DALRD3: variants seen among roughly 807,000 people sequenced by gnomAD.
DALRD3 encodes DALR anticodon-binding domain-containing protein 3.
Under a neutral mutation model 56.7 loss-of-function variants are expected in DALRD3, and 47 were observed. The observed-to-expected ratio is 0.83, with a 90% confidence interval of 0.66 to 1.06. The LOEUF (loss-of-function observed/expected upper bound fraction) is 1.06, where lower values mean the gene tolerates loss of function less well. DALRD3 is among the 50% of genes least tolerant of loss of function. The probability of loss-of-function intolerance (pLI) is 0.00; values close to 1 mark genes in which losing one functional copy is unlikely to be tolerated. For missense variants in DALRD3, 787 were observed against 724.0 expected (o/e 1.09, Z -1.00); for synonymous variants, 347 against 308.5 (o/e 1.12, Z -1.31).
rs1449765840 is a variant in DALRD3 at position 49,015,597 on chromosome 3, G to A, written c.1623C>T (p.Ser541=). The A allele has an allele frequency of 5.0e-6, 8 of 1,613,988 alleles. No homozygotes were observed. The highest frequency in any genetic ancestry group is 6.8e-6 in the Non-Finnish European group (8 of 1,180,024). Residue 541 remains serine, a synonymous_variant, in exon 12 of 12, where the codon AGC becomes AGT. Transcript: ENST00000341949. ...GLAMLGLPPL[S]HI ...TGGAGCCTCTGTGGCCTTAAATGTG[G>A]CTCAGTGGAGGGAGACCCAGCATAG...
Position 49,018,497 on chromosome 3 carries a change from C to A in DALRD3, c.68G>T (p.Gly23Val). Residue 23 changes from glycine to valine, a missense_variant, in exon 1 of 12, where the codon GGT (glycine) becomes GTT (valine). Gly to Val is a moderately radical substitution (Grantham distance 109). Transcript: ENST00000341949. ...GCGCGTCTCCTTGATCCACACCGGACCGCCTGGCCCCAGGGCCGCGTTGAG... is the reference window on the plus strand; with the variant it reads ...GCGCGTCTCCTTGATCCACACCGGAACGCCTGGCCCCAGGGCCGCGTTGAG... ...GALNAALGPG[G>V]PVWIKETRTR... The A allele has an allele frequency of 1.9e-6, 3 of 1,585,880 alleles. No individual in the cohort carries two copies. Among genetic ancestry groups the A allele is most frequent in the Non-Finnish European group, 2.6e-6 (3 of 1,165,938 alleles).
intron 5 of DALRD3, 85 bp downstream of exon 5, chr3:49,017,143 C>G (rs141235269): frequency 0.015 from 24,168 of 1,586,250 alleles, 248 homozygotes; most frequent in Middle Eastern, 0.021. Flanking sequence ...TTTCTGTCAG[C>G]TAACAAGCCC....
At chr3:49,016,560 T>A (rs2093075488) in intron 7 of DALRD3, 49 bp from the exon 8 acceptor site, 1 of 1,598,154 alleles carries the variant, frequency 6.3e-7, no homozygotes, top group Admixed American at 1.7e-5. Flanking sequence ...AGGGCAGGGA[T>A]GCAAAAAACC....
chr3:49,016,591 G>A (rs2093076934), intron 7 of DALRD3, 21 bp downstream of exon 7: 1 of 1,586,868 alleles, frequency 6.3e-7, no homozygotes, highest in Non-Finnish European at 8.6e-7. Flanking sequence ...CCAGAACATA[G>A]CCAGGGTTTC....
upstream of DALRD3, chr3:49,020,087 G>A (rs192385255): frequency 2.7e-4 from 143 of 529,470 alleles, no homozygotes; most frequent in Admixed American, 2.6e-3. Context: ...AAACCCAGGG[G>A]CAGGAAAAGC....
chr3:49,018,886 A>C (rs1353009645), upstream of DALRD3: 1 of 985,318 alleles, frequency 1.0e-6, no homozygotes, highest in Non-Finnish European at 1.2e-6. Context: ...TTCTCATCGA[A>C]GTCTCACATG....
upstream of DALRD3, chr3:49,020,692 T>C (rs1229195621): frequency 2.0e-6 from 1 of 490,060 alleles, no homozygotes; most frequent in East Asian, 6.2e-5. Context: ...TGGGATTCCG[T>C]TGCCCGCTGT....
Position 49,018,168 on chromosome 3 carries a change from C to T in DALRD3, c.316G>A (p.Ala106Thr), listed in dbSNP as rs930934806. ...AGCGAGGCAGGCGAGGCGGGCGTGGCATAGGCGGCCACGGCGCTGAGGACG... is the reference window on the plus strand; with the variant it reads ...AGCGAGGCAGGCGAGGCGGGCGTGGTATAGGCGGCCACGGCGCTGAGGACG... ...ERVLSAVAAY[A>T]TPASPASLGQ... Residue 106 changes from alanine (A) to threonine (T), a missense_variant, in exon 2 of 12, where the codon GCC (alanine) becomes ACC (threonine). Ala to Thr is a moderately conservative substitution (Grantham distance 58, BLOSUM62 0). Coordinates refer to ENST00000341949, the MANE Select transcript of DALRD3 (RefSeq NM_001009996.3). 28 of 1,452,864 alleles carry T rather than the reference C, an allele frequency of 1.9e-5. No homozygotes were observed. Among genetic ancestry groups the T allele is most frequent in the Non-Finnish European group, 2.3e-5 (26 of 1,114,308 alleles). The allele number at this position is 1,452,864 out of a possible 1,614,324, so 90.0% of individuals were successfully genotyped here.
intron 4 of DALRD3, 34 bp from the exon 5 acceptor site, chr3:49,017,390 G>C: frequency 6.2e-7 from 1 of 1,614,204 alleles, no homozygotes; most frequent in Non-Finnish European, 8.5e-7. Context: ...TGGAAGTACA[G>C]TATACTTGGT....
At position 49,017,776 on chromosome 3, in the gene DALRD3, T is replaced by C. The variant is rs1312201511; in HGVS notation, c.555A>G (p.Arg185=). ...GGCTCCTCAGGGTGTGGGAGGAAGC[T>C]CTCTCCGAGGCAGCGGGCCAGTCCA... ...LRVDWPAASE[R]ASSHTLRSHA... Residue 185 remains arginine (R), a synonymous_variant, in exon 3 of 12, where the codon AGA becomes AGG. Transcript: ENST00000341949. The C allele has an allele frequency of 2.5e-6, 4 of 1,613,390 alleles. No individual in the cohort carries two copies. Among genetic ancestry groups the C allele is most frequent in the Non-Finnish European group, 3.4e-6 (4 of 1,179,984 alleles).
chr3:49,018,924 C>A (rs1341986817), upstream of DALRD3: 2 of 985,340 alleles, frequency 2.0e-6, no homozygotes, highest in Non-Finnish European at 2.4e-6. Flanking sequence ...TCATTTCTCC[C>A]ATTTTACACA....
chr3:49,020,382 G>C, upstream of DALRD3: 1 of 416,240 alleles, frequency 2.4e-6, no homozygotes, highest in Non-Finnish European at 5.1e-6. Context: ...GCGAGATGCG[G>C]GCTGAGGCAG....
chr3:49,017,709 G>A lies in DALRD3; in HGVS notation c.622C>T (p.Leu208=). 3 of 1,614,164 alleles carry A rather than the reference G, an allele frequency of 1.9e-6. No homozygotes were observed. Among genetic ancestry groups the A allele is most frequent in the South Asian group, 1.1e-5 (1 of 91,092 alleles). The change falls in exon 3 of 12, where the codon CTG becomes TTG. Residue 208 remains leucine (L), a synonymous_variant. Coordinates refer to ENST00000341949, the MANE Select transcript of DALRD3 (RefSeq NM_001009996.3). ...AGTCTGCCTAGGATGCCAGGGGACA[G>A]TGTCCTCCCGTCATTAGCAGAGGTA... ...ELTSANDGRT[L]SPGILGRLCL...
At position 49,018,518 on chromosome 3, in the gene DALRD3, T is replaced by C. The variant is rs1300126555; in HGVS notation, c.47A>G (p.Asn16Ser). ...LGVGETLGAL[N>S]AALGPGGPVW... Reference sequence around the variant, plus strand: ...CGGACCGCCTGGCCCCAGGGCCGCGTTGAGGGCCCCCAGCGTCTCCCCGAC... The same window carrying C: ...CGGACCGCCTGGCCCCAGGGCCGCGCTGAGGGCCCCCAGCGTCTCCCCGAC... Residue 16 changes from asparagine to serine, a missense_variant, in exon 1 of 12, where the codon AAC (asparagine) becomes AGC (serine). Physicochemically the swap from Asn to Ser is conservative, Grantham distance 46 (BLOSUM62 1). Coordinates refer to ENST00000341949, the MANE Select transcript of DALRD3 (RefSeq NM_001009996.3). The C allele has an allele frequency of 8.2e-6, 13 of 1,585,338 alleles. No individual in the cohort carries two copies. The highest frequency in any genetic ancestry group is 3.5e-5 in the Admixed American group (2 of 56,992).
At chr3:49,020,151 A>C (rs992915743), upstream of DALRD3, 1 of 534,192 alleles carries the variant, frequency 1.9e-6, no homozygotes, top group Admixed American at 1.9e-5. Context: ...AGGCGCCGAA[A>C]GAGCACTGGG....
At chr3:49,020,875 G>GA, upstream of DALRD3, 1 of 291,218 alleles carries the variant, frequency 3.4e-6, no homozygotes, top group Non-Finnish European at 7.2e-6. Context: ...AAGGGGAGGT[G>GA]GGGGCCTCCC....
rs1484120866 is a variant in DALRD3, at chr3:49,016,527, G to A, written c.1064-16C>T. The stretch of plus-strand genomic sequence containing the variant: ...CAGGCTGGGTCTGAGGGAGTATAGG[G>A]TTGGTCAGTCAGTCTGCAGGCAAGG... On this transcript the variant is annotated splice_polypyrimidine_tract_variant and intron_variant, in intron 7 of 11. Transcript: ENST00000341949. 6.2e-7 allele frequency: 1 copy of A among 1,611,710 alleles called. No individual in the cohort carries two copies. The highest frequency in any genetic ancestry group is 8.5e-7 in the Non-Finnish European group (1 of 1,178,986).
At chr3:49,020,396 T>TG (rs2093143325), upstream of DALRD3, 1 of 403,148 alleles carries the variant, frequency 2.5e-6, no homozygotes, top group African/African-American at 2.1e-5. Flanking sequence ...GAGGCAGCCC[T>TG]GGGGGAGTCA....
chr3:49,016,945 C>A, intron 5 of DALRD3, 98 bp from the exon 6 acceptor site: 1 of 1,409,438 alleles, frequency 7.1e-7, no homozygotes, highest in Middle Eastern at 2.0e-4. Context: ...GCCCAGACTC[C>A]CTCAAATTGG....
Sources: allele counts gnomAD v4.1 joint callset, GRCh38; gene constraint gnomAD v4.1.1; transcripts MANE v1.5; gene names NCBI Gene and HGNC (gene_info 2026-07-23, HGNC 2026-07-21).